Variants in SP140 observed in about 807,000 individuals in gnomAD.
The protein encoded by SP140 is SP140 nuclear body protein.
In SP140, 81 loss-of-function variants were observed where a neutral mutation model predicts 125.0. That is an observed-to-expected ratio of 0.65 (90% CI 0.54 to 0.78). The LOEUF is 0.78. Ranked by LOEUF, SP140 falls within the 30% of genes least tolerant of loss-of-function variation. SP140 has a pLI of 0.00. For missense variants in SP140, 858 were observed against 1,037.0 expected (o/e 0.83, Z 2.37); for synonymous variants, 312 against 354.0 (o/e 0.88, Z 1.33).
At chr2:230,253,136 G>A (rs1266754867) in intron 10 of SP140, among the ~76,000 whole-genome samples, 180 bp from the exon 11 acceptor site, 1 of 152,168 alleles carries the variant, frequency 6.6e-6, no homozygotes, top group Non-Finnish European at 1.5e-5. Flanking sequence ...AGCTAGGAGG[G>A]AACTATGTGG....
At chr2:230,262,974 A>G (rs2052519151) in intron 12 of SP140, among the ~76,000 whole-genome samples, 1 of 152,146 alleles carries the variant, frequency 6.6e-6, no homozygotes, top group Non-Finnish European at 1.5e-5. Flanking sequence ...TGTTAAATCC[A>G]TTTGTTCCAA....
chr2:230,235,868 GTTTTTTTTT>G (rs984054259), intron 1 of SP140, among the ~76,000 whole-genome samples: 1 of 77,974 alleles, frequency 1.3e-5, no homozygotes, highest in Non-Finnish European at 2.3e-5. Flanking sequence ...TCTTGTGACT[GTTTTTTTTT>G]TTTTTTTTTT....
At chr2:230,233,399 A>C (rs1157649482) in intron 1 of SP140, among the ~76,000 whole-genome samples, 2 of 152,180 alleles carry the variant, frequency 1.3e-5, no homozygotes, top group African/African-American at 2.4e-5. Flanking sequence ...AACAAAACAA[A>C]AAAAACATTA....
upstream of SP140, among the ~76,000 whole-genome samples, chr2:230,223,554 T>G (rs1259302835): frequency 2.6e-5 from 4 of 152,186 alleles, no homozygotes; most frequent in African/African-American, 9.7e-5. Context: ...TACTCCCAAA[T>G]CCTGACTGAT....
At chr2:230,288,457 C>CTT (rs2056685380) in intron 18 of SP140, among the ~76,000 whole-genome samples, 1 of 32,152 alleles carries the variant, frequency 3.1e-5, no homozygotes, top group Non-Finnish European at 6.6e-5. Flanking sequence ...GGCCAACTAT[C>CTT]TTTCTTTCTT....
intron 1 of SP140, among the ~76,000 whole-genome samples, chr2:230,203,851 G>A (rs2043457771): frequency 6.6e-6 from 1 of 152,148 alleles, no homozygotes; most frequent in South Asian, 2.1e-4. Context: ...AGGGAGGAAT[G>A]GGGAGTTGTT....
At chr2:230,244,123 C>T (rs2049086877) in intron 5 of SP140, among the ~76,000 whole-genome samples, 1 of 152,116 alleles carries the variant, frequency 6.6e-6, no homozygotes, top group Non-Finnish European at 1.5e-5. Context: ...CTATAGAAAG[C>T]CTTCAAAAGA....
At position 230,310,015 on chromosome 2, in the gene SP140, A is replaced by G; in HGVS notation, c.2150A>G (p.His717Arg). ...TCAAGAGTCTTCCATGAGGACTGTC[A>G]CATCCCGCCTGTGGAAGCTGAGAGG... ...TCSRVFHEDC[H>R]IPPVEAERTP... The change falls in exon 23 of 27, where the codon CAC becomes CGC. Residue 717 changes from histidine to arginine, a missense_variant. Physicochemically the swap from His to Arg is conservative, Grantham distance 29 (BLOSUM62 0). This residue lies in a region of SP140 where 791 missense variants were observed against 869.5 expected (regional missense o/e 0.91). Transcript: ENST00000392045. 2 of 1,614,182 alleles carry G rather than the reference A, an allele frequency of 1.2e-6. No homozygotes were observed. The highest frequency in any genetic ancestry group is 1.7e-6 in the Non-Finnish European group (2 of 1,180,006).
At chr2:230,186,174 T>C in the SP140 span, 1 of 1,611,972 alleles carries the variant, frequency 6.2e-7, no homozygotes, top group Non-Finnish European at 8.5e-7. Flanking sequence ...AATAGTTTAG[T>C]GAGCTCCCTT....
intron 15 of SP140, among the ~76,000 whole-genome samples, chr2:230,273,647 G>C (rs1331446716): frequency 6.6e-6 from 1 of 152,140 alleles, no homozygotes; most frequent in Non-Finnish European, 1.5e-5. Context: ...ATATGCACAT[G>C]TATGCTTATC....
chr2:230,192,774 A>G, the SP140 span, among the ~76,000 whole-genome samples: 1 of 152,190 alleles, frequency 6.6e-6, no homozygotes, highest in African/African-American at 2.4e-5. Context: ...ATTTATTGAG[A>G]CTTGTTTTGT....
intron 3 of SP140, among the ~76,000 whole-genome samples, 181 bp from the exon 4 acceptor site, chr2:230,241,223 G>C (rs756155317): frequency 3.9e-5 from 6 of 152,048 alleles, no homozygotes; most frequent in Non-Finnish European, 1.5e-5. Context: ...CTGGGATGTT[G>C]GTTTCACAAT....
intron 6 of SP140, 97 bp from the exon 7 acceptor site, chr2:230,245,766 G>A: frequency 1.3e-6 from 1 of 750,568 alleles, no homozygotes. Context: ...TATTCCCAGG[G>A]AGCAGTTCTA....
In SP140 at chr2:230,309,982, A is replaced by T; in HGVS notation, c.2117A>T (p.Asp706Val). ...CRDGGELFCC[D>V]TCSRVFHEDC... Reference sequence around the variant, plus strand: ...GACGGAGGGGAGCTGTTCTGTTGCGACACTTGTTCAAGAGTCTTCCATGAG... The same window carrying T: ...GACGGAGGGGAGCTGTTCTGTTGCGTCACTTGTTCAAGAGTCTTCCATGAG... Residue 706 changes from aspartate to valine, a missense_variant, in exon 23 of 27, where the codon GAC (aspartate) becomes GTC (valine). By Grantham distance (152) the Asp-to-Val change is radical. This residue lies in a region of SP140 where 791 missense variants were observed against 869.5 expected (regional missense o/e 0.91). Transcript: ENST00000392045. 1.2e-6 allele frequency: 2 copies of T among 1,614,110 alleles called. No individual in the cohort carries two copies. The highest frequency in any genetic ancestry group is 2.2e-5 in the South Asian group (2 of 91,072).
At chr2:230,186,260 C>A in the SP140 span, 1 of 984,830 alleles carries the variant, frequency 1.0e-6, no homozygotes, top group South Asian at 1.5e-5. Flanking sequence ...TTGTGTGTAT[C>A]TTTCTTCCCC....
At chr2:230,295,495 C>T (rs1045605248) in intron 21 of SP140, among the ~76,000 whole-genome samples, 7 of 152,200 alleles carry the variant, frequency 4.6e-5, no homozygotes, top group East Asian at 1.9e-4. Flanking sequence ...TGGCAATTTC[C>T]GACTAACCGA....
intron 1 of SP140, among the ~76,000 whole-genome samples, chr2:230,205,398 T>A (rs1184275875): frequency 2.6e-5 from 4 of 152,192 alleles, no homozygotes; most frequent in Non-Finnish European, 1.5e-5. Context: ...GCCTGGACCA[T>A]CCAATCCAAA....
At chr2:230,213,256 C>A (rs1429527019) in intron 1 of SP140, among the ~76,000 whole-genome samples, 1 of 152,152 alleles carries the variant, frequency 6.6e-6, no homozygotes, top group Admixed American at 6.5e-5. Flanking sequence ...AAGCCCTGAT[C>A]TAATACCAAA....
chr2:230,215,737 C>G (rs2045081958), intron 3 of SP140, among the ~76,000 whole-genome samples: 1 of 152,186 alleles, frequency 6.6e-6, no homozygotes, highest in South Asian at 2.1e-4. Context: ...TGAATAAGAC[C>G]AACATGGAGT....
Sources: gnomAD v4.1 joint callset for allele counts (sites outside exome capture counted in the v4.1 genomes callset) on GRCh38, gnomAD v4.1.1 for gene constraint, gnomAD v4.1.1 regional missense constraint, MANE v1.5 for transcripts, NCBI Gene and HGNC (gene_info 2026-07-23, HGNC 2026-07-21) for gene names.